DIP2C: variants seen among roughly 807,000 people sequenced by gnomAD.
DIP2C encodes the protein disco-interacting protein 2 homolog C.
Under a neutral mutation model 192.4 loss-of-function variants are expected in DIP2C, and 33 were observed. The observed-to-expected ratio is 0.17, with a 90% CI of 0.13 to 0.23. DIP2C has a LOEUF of 0.23. Ranked by LOEUF, DIP2C falls within the 10% of genes least tolerant of loss-of-function variation. The probability of loss-of-function intolerance (pLI) is 1.00; values close to 1 mark genes in which losing one functional copy is unlikely to be tolerated. For synonymous variants in DIP2C, 979 were observed against 864.1 expected (o/e 1.13, Z -2.33); for missense variants, 1,537 against 2,110.1 (o/e 0.73, Z 5.32).
At chr10:526,658 T>G (rs1271581757) in intron 1 of DIP2C, among the ~76,000 whole-genome samples, 4 of 152,224 alleles carry the variant, frequency 2.6e-5, no homozygotes, top group Admixed American at 2.0e-4. Flanking sequence ...AATACACATA[T>G]GTTCTGGGTC....
At chr10:303,425 CTT>C (rs1486529349) in intron 32 of DIP2C, among the ~76,000 whole-genome samples, 1 of 152,138 alleles carries the variant, frequency 6.6e-6, no homozygotes, top group Admixed American at 6.5e-5. Flanking sequence ...TTCCTTAAAG[CTT>C]TTTGACTCAC....
chr10:578,153 C>G (rs1243814038), intron 1 of DIP2C, among the ~76,000 whole-genome samples: 2 of 152,184 alleles, frequency 1.3e-5, no homozygotes, highest in African/African-American at 4.8e-5. Flanking sequence ...TCCTAAATAT[C>G]TTCTTTCTCA....
chr10:615,219 C>T (rs190707831), intron 1 of DIP2C, among the ~76,000 whole-genome samples: 24 of 152,306 alleles, frequency 1.6e-4, no homozygotes, highest in Admixed American at 1.3e-3. Context: ...CTTCTCCCAA[C>T]GATCGGGGAA....
At chr10:670,654 C>A (rs1431526165) in intron 1 of DIP2C, among the ~76,000 whole-genome samples, 1 of 152,200 alleles carries the variant, frequency 6.6e-6, no homozygotes, top group East Asian at 1.9e-4. Context: ...TAATGAGATT[C>A]TCTAATCATT....
intron 1 of DIP2C, among the ~76,000 whole-genome samples, chr10:546,202 A>T (rs2130923378): frequency 6.6e-6 from 1 of 151,312 alleles, no homozygotes; most frequent in East Asian, 1.9e-4. Context: ...GAATCACTTG[A>T]ACCCGGGAAG....
chr10:280,716 C>G (rs1015334094), intron 36 of DIP2C, among the ~76,000 whole-genome samples: 1 of 152,260 alleles, frequency 6.6e-6, no homozygotes. Flanking sequence ...GCGACGCACA[C>G]ACCTTGTCAC....
At chr10:676,374 C>T (rs574296821) in intron 1 of DIP2C, among the ~76,000 whole-genome samples, 3 of 152,050 alleles carry the variant, frequency 2.0e-5, no homozygotes, top group African/African-American at 7.2e-5. Flanking sequence ...CCACTTGTAC[C>T]ACTCCTATTC....
At chr10:395,197 C>T (rs1963893142) in intron 10 of DIP2C, among the ~76,000 whole-genome samples, 1 of 150,798 alleles carries the variant, frequency 6.6e-6, no homozygotes, top group African/African-American at 2.4e-5. Context: ...GACAAAGCCT[C>T]AGATTGGAGG....
intron 1 of DIP2C, among the ~76,000 whole-genome samples, chr10:612,239 C>T (rs1056656368): frequency 3.3e-5 from 5 of 151,896 alleles, no homozygotes; most frequent in East Asian, 3.9e-4. Flanking sequence ...TTGCAGTGAG[C>T]CAAGGTCACA....
chr10:285,845 T>C (rs965203240), intron 34 of DIP2C, among the ~76,000 whole-genome samples: 2 of 152,238 alleles, frequency 1.3e-5, no homozygotes, highest in Non-Finnish European at 2.9e-5. Context: ...TGATCTGAAA[T>C]AAACACATGA....
chr10:334,987 G>GAT (rs1382954396), intron 29 of DIP2C, among the ~76,000 whole-genome samples: 1 of 152,130 alleles, frequency 6.6e-6, no homozygotes, highest in African/African-American at 2.4e-5. Context: ...AGCCTGCCAA[G>GAT]ATTTTGGTAG....
intron 26 of DIP2C, among the ~76,000 whole-genome samples, chr10:348,099 G>T (rs1434650705): frequency 6.6e-6 from 1 of 152,214 alleles, no homozygotes; most frequent in Admixed American, 6.5e-5. Flanking sequence ...CACTGTGCAG[G>T]TCTCCAGGAC....
At chr10:633,379 G>T (rs1854642632) in intron 1 of DIP2C, among the ~76,000 whole-genome samples, 1 of 152,168 alleles carries the variant, frequency 6.6e-6, no homozygotes, top group African/African-American at 2.4e-5. Context: ...GACGGGGGGA[G>T]TCCGAGGCGG....
At chr10:301,332 C>T (rs1464362627) in intron 32 of DIP2C, among the ~76,000 whole-genome samples, 1 of 152,144 alleles carries the variant, frequency 6.6e-6, no homozygotes, top group African/African-American at 2.4e-5. Flanking sequence ...CAAGGAAACG[C>T]TGGTGATGTC....
chr10:343,061 G>A (rs975419214), intron 28 of DIP2C, among the ~76,000 whole-genome samples: 2 of 152,108 alleles, frequency 1.3e-5, no homozygotes, highest in Non-Finnish European at 2.9e-5. Flanking sequence ...AGGCCGAGGC[G>A]GGCAGATCAC....
intron 1 of DIP2C, among the ~76,000 whole-genome samples, chr10:540,586 G>C (rs1490070181): frequency 6.6e-6 from 1 of 152,202 alleles, no homozygotes; most frequent in Admixed American, 6.5e-5. Flanking sequence ...GCTAGTGTTT[G>C]GTAGACCAAG....
Position 651,373 on chromosome 10 carries a change from G to T in DIP2C, c.85+38121C>A, listed in dbSNP as rs986451619. Reference sequence around the variant, plus strand: ...TCCCCAGCACTGTGCTCAGGTCCCAGGGAGGCCCCAGCAAACTGTGGAACA... The same window carrying T: ...TCCCCAGCACTGTGCTCAGGTCCCATGGAGGCCCCAGCAAACTGTGGAACA... On this transcript the variant is annotated intron_variant, in intron 1 of 36. Transcript: ENST00000280886. This position sits in a 1 kb window ranked among gnomAD's most constrained non-coding sequence, Gnocchi z 4.1. The T allele has an allele frequency of 1.0e-5, 7 of 701,626 alleles. No individual in the cohort carries two copies. The highest frequency in any genetic ancestry group is 2.0e-5 in the Admixed American group (1 of 49,986). The allele number at this position is 701,626 out of a possible 1,614,324, so 43.5% of individuals were successfully genotyped here.
intron 3 of DIP2C, among the ~76,000 whole-genome samples, chr10:466,082 T>G (rs915882823): frequency 6.8e-6 from 1 of 147,514 alleles, no homozygotes; most frequent in African/African-American, 2.5e-5. Flanking sequence ...CATCACCAAG[T>G]CAATCCTAAG....
chr10:335,024 G>A (rs1425977413), intron 29 of DIP2C, among the ~76,000 whole-genome samples: 1 of 152,204 alleles, frequency 6.6e-6, no homozygotes, highest in Admixed American at 6.5e-5. Flanking sequence ...ATAAAGCAAT[G>A]TGGGGAGAAC....
Sources: allele counts gnomAD v4.1 joint callset (sites outside exome capture counted in the v4.1 genomes callset), GRCh38; gene constraint gnomAD v4.1.1; non-coding constraint Gnocchi (gnomAD v3.1); transcripts MANE v1.5; gene names NCBI Gene and HGNC (gene_info 2026-07-23, HGNC 2026-07-21).